SLC28A3: variants seen among roughly 807,000 people sequenced by gnomAD.
SLC28A3 encodes concentrative Na(+)-nucleoside cotransporter 3.
SLC28A3 carries 68 observed loss-of-function variants against 84.2 expected under a neutral mutation model. That is an observed-to-expected ratio of 0.81 (90% CI 0.66 to 0.99). The LOEUF (loss-of-function observed/expected upper bound fraction) is 0.99. Among genes scored for constraint, SLC28A3 ranks in the 50% least tolerant of loss-of-function variants. The probability of loss-of-function intolerance (pLI) is 0.00; values close to 1 mark genes in which losing one functional copy is unlikely to be tolerated. For synonymous variants in SLC28A3, 267 were observed against 303.6 expected (o/e 0.88, Z 1.25); for missense variants, 712 against 841.5 (o/e 0.85, Z 1.90).
intron 2 of SLC28A3, among the ~76,000 whole-genome samples, chr9:84,310,202 C>T (rs1324965772): frequency 6.6e-6 from 1 of 152,190 alleles, no homozygotes; most frequent in African/African-American, 2.4e-5. Flanking sequence ...CTTCAAGAGC[C>T]AATAAGCCTC....
chr9:84,296,396 G>T (rs1206381607), intron 8 of SLC28A3, among the ~76,000 whole-genome samples: 2 of 152,184 alleles, frequency 1.3e-5, no homozygotes, highest in Non-Finnish European at 2.9e-5. Flanking sequence ...CAGCCTAAAA[G>T]TTGGCCTAAC....
chr9:84,295,789 C>T (rs977100158), intron 8 of SLC28A3, among the ~76,000 whole-genome samples: 5 of 152,064 alleles, frequency 3.3e-5, no homozygotes, highest in South Asian at 4.2e-4. Flanking sequence ...TACTGTTCCC[C>T]GGCTAACTGG....
In SLC28A3 at chr9:84,337,005, G is replaced by A. The variant is rs959971713; in HGVS notation, c.60+3569C>T. On this transcript the variant is annotated intron_variant, in intron 1 of 17. Coordinates refer to ENST00000376238, the MANE Select transcript of SLC28A3 (RefSeq NM_001199633.2). ...GCTATATATTATTTACAATGCACTTGGTGCTGGCTGGGTGTTGTGGCTCAT... is the reference window on the plus strand; with the variant it reads ...GCTATATATTATTTACAATGCACTTAGTGCTGGCTGGGTGTTGTGGCTCAT... 5.3e-5 allele frequency among the ~76,000 whole-genome samples: 8 copies of A among 152,074 alleles called. No homozygotes were observed. The East Asian group carries it at 1.5e-3, about 29-fold the overall frequency.
intron 8 of SLC28A3, among the ~76,000 whole-genome samples, chr9:84,294,867 T>C (rs1025158439): frequency 6.6e-6 from 1 of 151,898 alleles, no homozygotes; most frequent in Non-Finnish European, 1.5e-5. Context: ...ATAAGGAATA[T>C]CTGAACCCTT....
At chr9:84,333,319 TG>T (rs1264481369) in intron 1 of SLC28A3, among the ~76,000 whole-genome samples, 1 of 152,122 alleles carries the variant, frequency 6.6e-6, no homozygotes, top group African/African-American at 2.4e-5. Context: ...GGGCAAAACA[TG>T]GGGGAAGCGT....
chr9:84,321,102 G>A (rs1826360818), intron 1 of SLC28A3, among the ~76,000 whole-genome samples: 1 of 152,140 alleles, frequency 6.6e-6, no homozygotes, highest in African/African-American at 2.4e-5. Context: ...AAAGTCCACT[G>A]TGTTTGAAGT....
At chr9:84,297,437 GC>G in intron 7 of SLC28A3, 139 bp from the exon 8 acceptor site, 2 of 643,372 alleles carry the variant, frequency 3.1e-6, no homozygotes, top group Non-Finnish European at 2.7e-6. Context: ...TCTCAGCTTT[GC>G]CCCCTCCAAT....
At chr9:84,288,597 G>A (rs751967468) in intron 11 of SLC28A3, among the ~76,000 whole-genome samples, 7 of 151,922 alleles carry the variant, frequency 4.6e-5, no homozygotes, top group Middle Eastern at 3.4e-3. Flanking sequence ...TCACCCAGGA[G>A]TGCAGTGGTG....
intron 1 of SLC28A3, among the ~76,000 whole-genome samples, chr9:84,319,929 T>C (rs931605852): frequency 6.6e-6 from 1 of 152,104 alleles, no homozygotes; most frequent in Non-Finnish European, 1.5e-5. Flanking sequence ...TATTTGCACC[T>C]TTATTAATTT....
intron 11 of SLC28A3, among the ~76,000 whole-genome samples, chr9:84,288,637 C>T (rs560287524): frequency 1.7e-3 from 257 of 152,188 alleles, no homozygotes; most frequent in Middle Eastern, 3.4e-3. Flanking sequence ...CCTCCGCCTC[C>T]CTGGTCAAGC....
chr9:84,278,441 C>G, intron 17 of SLC28A3, 97 bp from the exon 18 acceptor site: 1 of 1,485,460 alleles, frequency 6.7e-7, no homozygotes, highest in Non-Finnish European at 9.1e-7. Flanking sequence ...GGGCAGGAAG[C>G]TGATTTTCTT....
intron 1 of SLC28A3, 40 bp downstream of exon 1, chr9:84,340,534 C>T (rs1827125774): frequency 1.9e-6 from 3 of 1,610,416 alleles, no homozygotes; most frequent in Non-Finnish European, 2.5e-6. Context: ...GGCAGCTTTT[C>T]CACTGAAGGC....
At chr9:84,294,655 A>G (rs1299116679) in intron 8 of SLC28A3, among the ~76,000 whole-genome samples, 2 of 152,238 alleles carry the variant, frequency 1.3e-5, no homozygotes, top group African/African-American at 4.8e-5. Context: ...GAGCAACCTC[A>G]GAGCCTTATT....
chr9:84,309,484 C>G, intron 3 of SLC28A3, 145 bp downstream of exon 3: 2 of 606,692 alleles, frequency 3.3e-6, no homozygotes, highest in Non-Finnish European at 5.5e-6. Flanking sequence ...GATCACATCA[C>G]TGCACTCCAG....
At chr9:84,315,017 C>T (rs1241319188) in intron 1 of SLC28A3, among the ~76,000 whole-genome samples, 1 of 152,108 alleles carries the variant, frequency 6.6e-6, no homozygotes, top group Non-Finnish European at 1.5e-5. Flanking sequence ...GCAGAGGTTG[C>T]AGTGAGCTGA....
chr9:84,340,527 A>G lies in SLC28A3; in HGVS notation c.60+47T>C, dbSNP rs753005101. On this transcript the variant is annotated intron_variant, in intron 1 of 17. Coordinates refer to ENST00000376238, the MANE Select transcript of SLC28A3 (RefSeq NM_001199633.2). ...CTTGCCAAGGGGCTAAGGAAAGGGCAGCTTTTCCACTGAAGGCCTTTAACA... is the reference window on the plus strand; with the variant it reads ...CTTGCCAAGGGGCTAAGGAAAGGGCGGCTTTTCCACTGAAGGCCTTTAACA... 14 of 1,600,016 alleles carry G rather than the reference A, an allele frequency of 8.7e-6. No individual in the cohort carries two copies. The South Asian group carries it at 1.3e-4, about 15-fold the overall frequency.
At chr9:84,328,230 C>A in intron 1 of SLC28A3, among the ~76,000 whole-genome samples, 1 of 148,464 alleles carries the variant, frequency 6.7e-6, no homozygotes, top group African/African-American at 2.5e-5. Context: ...CCTATCTTAT[C>A]AGTAACTACA....
intron 1 of SLC28A3, among the ~76,000 whole-genome samples, chr9:84,317,999 T>C (rs1042405422): frequency 1.2e-4 from 18 of 152,218 alleles, no homozygotes; most frequent in Admixed American, 5.2e-4. Context: ...TTTAAGGCCC[T>C]TTCTCTAAAT....
At chr9:84,358,550 G>C in the SLC28A3 span, among the ~76,000 whole-genome samples, 1 of 152,090 alleles carries the variant, frequency 6.6e-6, no homozygotes, top group Non-Finnish European at 1.5e-5. Context: ...GCCATACAGG[G>C]TCCTTCTAAG....
Sources: gnomAD v4.1 joint callset for allele counts (sites outside exome capture counted in the v4.1 genomes callset) on GRCh38, gnomAD v4.1.1 for gene constraint, MANE v1.5 for transcripts, NCBI Gene and HGNC (gene_info 2026-07-23, HGNC 2026-07-21) for gene names.